The following GPATCH2 variants were observed in gnomAD, a reference collection of about 807,000 sequenced individuals.
GPATCH2 encodes G patch domain-containing protein 2.
In GPATCH2, 51 loss-of-function variants were observed where a neutral mutation model predicts 58.0. The observed-to-expected ratio is 0.88, with a 90% CI of 0.70 to 1.11. The LOEUF is 1.11. GPATCH2 is among the 50% of genes most tolerant of loss of function. The pLI, the probability that GPATCH2 is intolerant of heterozygous loss-of-function variation, is 0.00. For missense variants in GPATCH2, 625 were observed against 652.2 expected (o/e 0.96, Z 0.45); for synonymous variants, 222 against 218.5 (o/e 1.02, Z -0.14).
At chr1:217,546,149 G>A (rs375229363) in intron 5 of GPATCH2, among the ~76,000 whole-genome samples, 114 of 152,188 alleles carry the variant, frequency 7.5e-4, no homozygotes, top group African/African-American at 2.6e-3. Flanking sequence ...ATAAGAGATG[G>A]CACAAGCAAA....
At chr1:217,610,203 A>G in intron 5 of GPATCH2, 118 bp downstream of exon 5, 3 of 1,594,580 alleles carry the variant, frequency 1.9e-6, no homozygotes, top group Non-Finnish European at 2.6e-6. Context: ...CTACAAAAAA[A>G]TGGATTATTT....
Position 217,547,103 on chromosome 1 carries a change from C to T in GPATCH2, c.1099-32214G>A, listed in dbSNP as rs561599986. On this transcript the variant is annotated intron_variant, in intron 5 of 9. Transcript: ENST00000366935. ...GTCAAGCCAGGCGTGGTGGCTCACA[C>T]CTGTAATTCCAGCACTTAGGGAGGC... Among the ~76,000 whole-genome samples, 6 of 152,260 alleles carry T rather than the reference C, an allele frequency of 3.9e-5. No homozygotes were observed. In the South Asian group the frequency reaches 1.2e-3, roughly 32 times the overall value.
chr1:217,478,031 C>A (rs1179411041), intron 8 of GPATCH2, among the ~76,000 whole-genome samples: 1 of 152,148 alleles, frequency 6.6e-6, no homozygotes, highest in African/African-American at 2.4e-5. Flanking sequence ...ATAATTCTCC[C>A]AGATCTTGTC....
At chr1:217,456,922 A>G (rs1473341707) in intron 8 of GPATCH2, among the ~76,000 whole-genome samples, 2 of 152,208 alleles carry the variant, frequency 1.3e-5, no homozygotes, top group Non-Finnish European at 2.9e-5. Context: ...AAAGGCATGG[A>G]AGACTGTGCA....
chr1:217,513,309 T>A (rs931811008), intron 6 of GPATCH2, among the ~76,000 whole-genome samples: 3 of 151,544 alleles, frequency 2.0e-5, no homozygotes, highest in Admixed American at 6.6e-5. Flanking sequence ...AAAAAAAAAT[T>A]AGCCTACCTT....
intron 5 of GPATCH2, among the ~76,000 whole-genome samples, chr1:217,590,383 C>G (rs1217572902): frequency 1.3e-5 from 2 of 152,048 alleles, no homozygotes; most frequent in African/African-American, 4.8e-5. Context: ...AAAATGCAAC[C>G]ATCTCATTTC....
intron 9 of GPATCH2, among the ~76,000 whole-genome samples, chr1:217,436,262 A>G (rs1181891787): frequency 6.6e-6 from 1 of 152,200 alleles, no homozygotes; most frequent in Non-Finnish European, 1.5e-5. Context: ...GCTACAATAT[A>G]ATCAGAACCA....
chr1:217,439,854 G>A (rs1659052255), intron 9 of GPATCH2, among the ~76,000 whole-genome samples: 1 of 152,176 alleles, frequency 6.6e-6, no homozygotes, highest in African/African-American at 2.4e-5. Context: ...AACAAGTTCT[G>A]ACATTGAGGC....
chr1:217,516,881 T>C (rs556607175), intron 5 of GPATCH2, among the ~76,000 whole-genome samples: 7 of 152,360 alleles, frequency 4.6e-5, no homozygotes, highest in Non-Finnish European at 1.5e-5. Flanking sequence ...GCTATACTTA[T>C]GGAAAAATGT....
intron 7 of GPATCH2, among the ~76,000 whole-genome samples, chr1:217,494,778 TA>T (rs918952625): frequency 1.9e-4 from 29 of 152,080 alleles, no homozygotes; most frequent in African/African-American, 6.5e-4. Flanking sequence ...TATTTTTTTT[TA>T]AAGTCAGATT....
rs1052912009 is a variant in GPATCH2, at chr1:217,611,327, A to G, written c.836-256T>C. ...CAATTTAAATGTAATTGGGGATCCT[A>G]TGTTTTATTTGACAACTGCATATAC... On this transcript the variant is annotated intron_variant, in intron 3 of 9. Transcript: ENST00000366935. 3.3e-5 allele frequency among the ~76,000 whole-genome samples: 5 copies of G among 152,152 alleles called. No individual in the cohort carries two copies. In the South Asian group the frequency reaches 1.0e-3, roughly 32 times the overall value.
At chr1:217,543,014 TA>T (rs1193028965) in intron 5 of GPATCH2, among the ~76,000 whole-genome samples, 2 of 152,176 alleles carry the variant, frequency 1.3e-5, no homozygotes, top group Non-Finnish European at 2.9e-5. Context: ...GAAAGGGAAC[TA>T]AAACTGCTAA....
At chr1:217,556,672 T>A (rs543946480) in intron 5 of GPATCH2, among the ~76,000 whole-genome samples, 1 of 152,350 alleles carries the variant, frequency 6.6e-6, no homozygotes, top group East Asian at 1.9e-4. Context: ...ACTATGGATA[T>A]TTTTTACATG....
intron 8 of GPATCH2, among the ~76,000 whole-genome samples, chr1:217,482,109 A>C (rs1661238099): frequency 6.6e-6 from 1 of 152,162 alleles, no homozygotes; most frequent in African/African-American, 2.4e-5. Context: ...GTAAGTGATT[A>C]AACTGGAATT....
intron 1 of GPATCH2, among the ~76,000 whole-genome samples, chr1:217,626,314 A>G (rs922610285): frequency 6.6e-6 from 1 of 152,232 alleles, no homozygotes; most frequent in African/African-American, 2.4e-5. Context: ...GTCAAGGACT[A>G]TGCTGCTGAA....
rs17046646 is a variant in GPATCH2 at position 217,608,795 on chromosome 1, G to A, written c.1098+1526C>T. On this transcript the variant is annotated intron_variant, in intron 5 of 9. Transcript: ENST00000366935. ...CACTCCAAAGACATAGCACAGAAAA[G>A]CTTACTTACAATTACCAACACCACA... The A allele has an allele frequency of 7.6e-4, 750 of 984,060 alleles. 9 individuals carry two copies. In the African/African-American group the frequency reaches 0.012, roughly 15 times the overall value. 61.0% of individuals were successfully genotyped at this position (984,060 alleles called of 1,614,324 possible).
chr1:217,570,265 C>T (rs1666469686), intron 5 of GPATCH2, among the ~76,000 whole-genome samples: 1 of 152,072 alleles, frequency 6.6e-6, no homozygotes, highest in South Asian at 2.1e-4. Context: ...GTGCACGCCA[C>T]CACGCCTGGC....
chr1:217,621,391 A>T lies in GPATCH2; in HGVS notation c.57-892T>A, dbSNP rs550005183. On this transcript the variant is annotated intron_variant, in intron 1 of 9. Transcript: ENST00000366935. ...ACCCGTCTTATGAAGACCACAGGCA[A>T]TCATTTCTAAAATCGAGATCTAGAG... Among the ~76,000 whole-genome samples, 8 of 152,286 alleles carry T rather than the reference A, an allele frequency of 5.3e-5. No homozygotes were observed. The East Asian group carries it at 1.4e-3, about 26-fold the overall frequency.
chr1:217,565,908 C>T (rs990401437), intron 5 of GPATCH2, among the ~76,000 whole-genome samples: 84 of 151,964 alleles, frequency 5.5e-4, no homozygotes, highest in Non-Finnish European at 1.5e-4. Context: ...TCGAGACCAG[C>T]CTGACCAAAA....
Sources: allele counts gnomAD v4.1 joint callset (sites outside exome capture counted in the v4.1 genomes callset), GRCh38; gene constraint gnomAD v4.1.1; transcripts MANE v1.5; gene names NCBI Gene and HGNC (gene_info 2026-07-23, HGNC 2026-07-21).